BAZ2A: variants seen among roughly 807,000 people sequenced by gnomAD.
BAZ2A encodes the protein bromodomain adjacent to zinc finger domain protein 2A.
BAZ2A carries 34 observed loss-of-function variants against 199.9 expected under a neutral mutation model. The observed-to-expected ratio is 0.17, with a 90% confidence interval of 0.13 to 0.23. BAZ2A has a LOEUF of 0.23. Among genes scored for constraint, BAZ2A ranks in the 10% least tolerant of loss-of-function variants. BAZ2A has a pLI of 1.00. For missense variants in BAZ2A, 2,002 were observed against 2,391.1 expected (o/e 0.84, Z 3.39); for synonymous variants, 857 against 883.9 (o/e 0.97, Z 0.54).
intron 18 of BAZ2A, 115 bp from the exon 19 acceptor site, chr12:56,602,972 C>A: frequency 8.2e-7 from 1 of 1,213,100 alleles, no homozygotes; most frequent in Non-Finnish European, 1.1e-6. Context: ...AAAAGTGATG[C>A]CATCTGGGCC....
In BAZ2A at chr12:56,604,248, T is replaced by A. The variant is rs1565812776; in HGVS notation, c.3007A>T (p.Asn1003Tyr). 6.2e-7 allele frequency: 1 copy of A among 1,608,762 alleles called. No homozygotes were observed. Among genetic ancestry groups the A allele is most frequent in the Non-Finnish European group, 8.5e-7 (1 of 1,177,490 alleles). The stretch of plus-strand genomic sequence containing the variant: ...AGCCGGCCTTCAACAATCCACTTGT[T>A]TTTCCTGTAGCTGGACATACTCTCC... ...TLESMSSYRK[N>Y]KWIVEGRLRR... is the part of the protein sequence containing the mutation. Residue 1003 changes from asparagine to tyrosine, a missense_variant, in exon 16 of 29, where the codon AAC (asparagine) becomes TAC (tyrosine). Physicochemically the swap from Asn to Tyr is moderately radical, Grantham distance 143. Transcript: ENST00000549884.
At chr12:56,615,667 A>G in intron 2 of BAZ2A, 60 bp from the exon 3 acceptor site, 1 of 1,286,540 alleles carries the variant, frequency 7.8e-7, no homozygotes. Context: ...CTTTACCAAA[A>G]CAAACTCAAA....
intron 14 of BAZ2A, 27 bp downstream of exon 14, chr12:56,605,046 G>A: frequency 6.4e-7 from 1 of 1,558,652 alleles, no homozygotes; most frequent in Non-Finnish European, 8.7e-7. Flanking sequence ...ACTTGTCCTG[G>A]TTACTTTGGG....
At chr12:56,631,650 C>T (rs1232590460), upstream of BAZ2A, among the ~76,000 whole-genome samples, 6 of 152,126 alleles carry the variant, frequency 3.9e-5, no homozygotes, top group African/African-American at 1.4e-4. Context: ...CAATGCAATG[C>T]AGTTCTAGAA....
At position 56,610,521 on chromosome 12, in the gene BAZ2A, C is replaced by T. The variant is rs1950525802; in HGVS notation, c.1671-4G>A. On this transcript the variant is annotated splice_region_variant and splice_polypyrimidine_tract_variant and intron_variant, in intron 7 of 28. Transcript: ENST00000549884. ...GATGCGCACCTCTCTCCGCCACCTGCCAGAGAAGCACATGGGCCCTGCCGC... is the reference window on the plus strand; with the variant it reads ...GATGCGCACCTCTCTCCGCCACCTGTCAGAGAAGCACATGGGCCCTGCCGC... 1.1e-5 allele frequency: 17 copies of T among 1,608,334 alleles called. No homozygotes were observed. Among genetic ancestry groups the T allele is most frequent in the Non-Finnish European group, 1.4e-5 (17 of 1,177,402 alleles).
At chr12:56,629,050 A>G (rs1458071891) in intron 1 of BAZ2A, among the ~76,000 whole-genome samples, 1 of 152,172 alleles carries the variant, frequency 6.6e-6, no homozygotes, top group African/African-American at 2.4e-5. Context: ...GTCCAACGAA[A>G]GGTCTCTCGG....
chr12:56,628,908 A>C (rs1202955897), intron 1 of BAZ2A, among the ~76,000 whole-genome samples: 1 of 152,116 alleles, frequency 6.6e-6, no homozygotes, highest in East Asian at 1.9e-4. Context: ...TTGCTTCTCT[A>C]TGACCTCTAG....
intron 16 of BAZ2A, 91 bp downstream of exon 16, chr12:56,604,125 TA>T: frequency 7.9e-7 from 1 of 1,270,640 alleles, no homozygotes; most frequent in Non-Finnish European, 1.1e-6. Flanking sequence ...GGGAAGGGGC[TA>T]AAGCATCACA....
At chr12:56,636,212 G>A (rs970603375) in exon 1 of BAZ2A, 2 of 1,590,236 alleles carry the variant, frequency 1.3e-6, no homozygotes, top group Non-Finnish European at 1.7e-6. Context: ...TCCAGGCTGG[G>A]ACCACCCAGC....
intron 1 of BAZ2A, among the ~76,000 whole-genome samples, chr12:56,627,382 C>G (rs1446645319): frequency 6.7e-6 from 1 of 150,190 alleles, no homozygotes; most frequent in African/African-American, 2.5e-5. Context: ...AGGAGGATCG[C>G]TTGAACCTGG....
intron 1 of BAZ2A, among the ~76,000 whole-genome samples, chr12:56,628,198 A>C (rs977586393): frequency 1.3e-5 from 2 of 149,812 alleles, no homozygotes; most frequent in African/African-American, 4.9e-5. Flanking sequence ...AAAAAAAAAA[A>C]AGACAGAAAG....
In BAZ2A at chr12:56,615,133, G is replaced by A; in HGVS notation, c.611C>T (p.Ser204Phe). ...ATGGATACCACTGCCTACCTCCTGG[G>A]AGGGTGCAAAGGTTTGAATGCTAGA... ...LGSSIQTFAP[S>F]QEVGSGIHPD... The change falls in exon 3 of 29, where the codon TCC becomes TTC. Residue 204 changes from serine to phenylalanine, a missense_variant. This residue lies in a region of BAZ2A where 641 missense variants were observed against 694.5 expected (regional missense o/e 0.92). Transcript: ENST00000549884. 1.2e-6 allele frequency: 2 copies of A among 1,613,790 alleles called. No individual in the cohort carries two copies. The highest frequency in any genetic ancestry group is 1.7e-6 in the Non-Finnish European group (2 of 1,179,820).
At chr12:56,625,792 C>T (rs566516211) in intron 1 of BAZ2A, among the ~76,000 whole-genome samples, 36 of 144,886 alleles carry the variant, frequency 2.5e-4, no homozygotes, top group Non-Finnish European at 3.7e-4. Flanking sequence ...AGGAGAATGG[C>T]GTGAACCCGG....
rs1950648769 is a variant in BAZ2A, at chr12:56,614,303, G to C, written c.731-165C>G. On this transcript the variant is annotated intron_variant, in intron 3 of 28. Transcript: ENST00000549884. ...ATCACATCAAGATACTCTGAGCAGA[G>C]ATGTGCTGGTAAAATCAATCCTACA... The C allele has an allele frequency of 6.0e-6, 4 of 661,718 alleles. No individual in the cohort carries two copies. The South Asian group carries it at 6.7e-5, about 11-fold the overall frequency. 41.0% of individuals were successfully genotyped at this position (661,718 alleles called of 1,614,324 possible).
At chr12:56,602,892 C>T (rs924266575) in intron 18 of BAZ2A, 35 bp from the exon 19 acceptor site, 1 of 1,584,272 alleles carries the variant, frequency 6.3e-7, no homozygotes, top group Non-Finnish European at 8.6e-7. Context: ...TGAATAAACA[C>T]ATTTCCAGAG....
At chr12:56,634,869 A>G, upstream of BAZ2A, 1 of 968,658 alleles carries the variant, frequency 1.0e-6, no homozygotes, top group Non-Finnish European at 1.2e-6. Context: ...CCGGGGCAGC[A>G]GGGATCCCGG....
At chr12:56,614,328 A>G (rs1429853495) in intron 3 of BAZ2A, 190 bp from the exon 4 acceptor site, 3 of 562,488 alleles carry the variant, frequency 5.3e-6, no homozygotes, top group Non-Finnish European at 9.3e-6. Flanking sequence ...TCAATCCTAC[A>G]GCAGGCAAAG....
At position 56,613,604 on chromosome 12, in the gene BAZ2A, C is replaced by T. The variant is rs141526549; in HGVS notation, c.916+349G>A. Among the ~76,000 whole-genome samples, 819 of 152,344 alleles carry T rather than the reference C, an allele frequency of 5.4e-3. 5 individuals are homozygous for T. The highest frequency in any genetic ancestry group is 7.0e-3 in the Non-Finnish European group (478 of 68,028). ...TATCATAAAATATGTCTTTCTTGTA[C>T]TTCAGTGGAGTAAAAGGTAACTGCT... On this transcript the variant is annotated intron_variant, in intron 4 of 28. Transcript: ENST00000549884.
At chr12:56,629,779 G>T (rs1419887616) in intron 1 of BAZ2A, among the ~76,000 whole-genome samples, 1 of 146,324 alleles carries the variant, frequency 6.8e-6, no homozygotes, top group Non-Finnish European at 1.5e-5. Context: ...CACCCGAGGA[G>T]GTGGAGCCCC....
Sources: allele counts gnomAD v4.1 joint callset (sites outside exome capture counted in the v4.1 genomes callset), GRCh38; gene constraint gnomAD v4.1.1; regional missense constraint gnomAD v4.1.1; transcripts MANE v1.5; gene names NCBI Gene and HGNC (gene_info 2026-07-23, HGNC 2026-07-21).